GRIA4: variants seen among roughly 807,000 people sequenced by gnomAD.
GRIA4 encodes the protein glutamate ionotropic receptor AMPA type subunit 4.
In GRIA4, 34 loss-of-function variants were observed where a neutral mutation model predicts 104.0. The observed-to-expected ratio is 0.33, with a 90% CI of 0.25 to 0.44. GRIA4 has a LOEUF of 0.44. GRIA4 is among the 20% of genes least tolerant of loss of function. The pLI, the probability that GRIA4 is intolerant of heterozygous loss-of-function variation, is 1.00. For missense variants in GRIA4, 750 were observed against 1,096.5 expected (o/e 0.68, Z 4.46); for synonymous variants, 386 against 381.9 (o/e 1.01, Z -0.13).
At chr11:105,722,126 A>G (rs778139505) in intron 3 of GRIA4, among the ~76,000 whole-genome samples, 1 of 152,180 alleles carries the variant, frequency 6.6e-6, no homozygotes, top group African/African-American at 2.4e-5. Flanking sequence ...GTTAAAAATC[A>G]GATGGTGCTA....
chr11:105,699,505 T>C (rs1953407918), intron 3 of GRIA4, among the ~76,000 whole-genome samples: 1 of 152,192 alleles, frequency 6.6e-6, no homozygotes, highest in Non-Finnish European at 1.5e-5. Flanking sequence ...TTTCTTTCAG[T>C]CCGTTCTGCC....
At chr11:105,943,333 GT>G (rs1948228085) in intron 14 of GRIA4, among the ~76,000 whole-genome samples, 1 of 151,998 alleles carries the variant, frequency 6.6e-6, no homozygotes, top group Middle Eastern at 3.2e-3. Flanking sequence ...GTTTGGCACG[GT>G]ACAAATCTGA....
chr11:105,800,013 G>C (rs540938978), intron 4 of GRIA4, among the ~76,000 whole-genome samples: 2 of 152,222 alleles, frequency 1.3e-5, no homozygotes, highest in East Asian at 3.9e-4. Context: ...GAGGGTTTAT[G>C]CGTGCATGAT....
At chr11:105,862,852 G>C (rs558738019) in intron 5 of GRIA4, among the ~76,000 whole-genome samples, 2 of 152,150 alleles carry the variant, frequency 1.3e-5, no homozygotes, top group East Asian at 3.8e-4. Context: ...GAGCTTTGCC[G>C]TTGTATTAAA....
chr11:105,747,633 A>G (rs1939738750), intron 3 of GRIA4, among the ~76,000 whole-genome samples: 1 of 152,212 alleles, frequency 6.6e-6, no homozygotes, highest in African/African-American at 2.4e-5. Context: ...TAGAAAATTA[A>G]GAAAAGTTGA....
At chr11:105,860,633 T>C (rs2136015928) in intron 4 of GRIA4, among the ~76,000 whole-genome samples, 1 of 152,132 alleles carries the variant, frequency 6.6e-6, no homozygotes, top group South Asian at 2.1e-4. Flanking sequence ...TCAAAGAATC[T>C]TTTTTTTATT....
chr11:105,679,569 A>G (rs2135461131), intron 3 of GRIA4, among the ~76,000 whole-genome samples: 1 of 152,250 alleles, frequency 6.6e-6, no homozygotes, highest in Non-Finnish European at 1.5e-5. Context: ...GGTGATATTT[A>G]CTGTTCTTGA....
chr11:105,903,568 T>C (rs547384232), intron 7 of GRIA4, among the ~76,000 whole-genome samples: 36 of 152,328 alleles, frequency 2.4e-4, no homozygotes, highest in Admixed American at 6.5e-4. Context: ...AACTGTTTTA[T>C]TGGAATTTCT....
At position 105,729,757 on chromosome 11, in the gene GRIA4, C is replaced by A. The variant is rs569280791; in HGVS notation, c.248-23224C>A. On this transcript the variant is annotated intron_variant, in intron 3 of 16. Coordinates refer to ENST00000282499, the MANE Select transcript of GRIA4 (RefSeq NM_000829.4). The stretch of plus-strand genomic sequence containing the variant: ...ACATAAACAGAACCAATATCAAAAA[C>A]CACATGATTATCTCAATAGATGCAG... 5.9e-5 allele frequency among the ~76,000 whole-genome samples: 9 copies of A among 152,230 alleles called. No individual in the cohort carries two copies. In the South Asian group the frequency reaches 8.3e-4, roughly 14 times the overall value.
chr11:105,652,994 A>G (rs760514004), intron 3 of GRIA4, among the ~76,000 whole-genome samples: 2 of 152,026 alleles, frequency 1.3e-5, no homozygotes, highest in Non-Finnish European at 2.9e-5. Context: ...TGCAAGCTCC[A>G]TCCACCTCCT....
At chr11:105,716,154 T>C (rs1454990275) in intron 3 of GRIA4, among the ~76,000 whole-genome samples, 2 of 152,136 alleles carry the variant, frequency 1.3e-5, no homozygotes, top group Non-Finnish European at 2.9e-5. Flanking sequence ...TTTTTTCACA[T>C]ATGCAAGAAC....
intron 4 of GRIA4, among the ~76,000 whole-genome samples, chr11:105,780,452 C>T (rs1469445424): frequency 1.3e-5 from 2 of 152,118 alleles, no homozygotes; most frequent in Non-Finnish European, 2.9e-5. Flanking sequence ...TGGTTCTCTA[C>T]AACACTGCAA....
intron 4 of GRIA4, among the ~76,000 whole-genome samples, chr11:105,797,158 G>A (rs1040617395): frequency 1.3e-5 from 2 of 151,976 alleles, no homozygotes; most frequent in South Asian, 2.1e-4. Flanking sequence ...GCAGTGAGCC[G>A]AGATCACGCC....
chr11:105,847,302 A>T (rs147959515), intron 4 of GRIA4, among the ~76,000 whole-genome samples: 1 of 152,320 alleles, frequency 6.6e-6, no homozygotes, highest in Non-Finnish European at 1.5e-5. Flanking sequence ...GGTGGAGCTC[A>T]GGCAGTAATG....
intron 3 of GRIA4, among the ~76,000 whole-genome samples, chr11:105,626,255 G>A (rs1950883450): frequency 2.6e-5 from 4 of 151,814 alleles, no homozygotes. Flanking sequence ...GGATAAAGGA[G>A]AGCACACATA....
At position 105,943,237 on chromosome 11, in the gene GRIA4, C is replaced by T. The variant is rs57649454; in HGVS notation, c.2294+9268C>T. 6.5e-3 allele frequency among the ~76,000 whole-genome samples: 994 copies of T among 152,218 alleles called. 15 individuals are homozygous for T. Among genetic ancestry groups the T allele is most frequent in the African/African-American group, 0.023 (946 of 41,568 alleles). ...AAAACTATTTAAGGAAAGCACTCCT[C>T]TGTAAGAAACAACATAGCAAGAAAT... On this transcript the variant is annotated intron_variant, in intron 14 of 16. Transcript: ENST00000282499.
intron 4 of GRIA4, among the ~76,000 whole-genome samples, chr11:105,845,432 G>C (rs1442399199): frequency 6.6e-6 from 1 of 152,116 alleles, no homozygotes; most frequent in Non-Finnish European, 1.5e-5. Context: ...CAAGGAGAGG[G>C]AACCTTGACC....
chr11:105,739,855 T>C (rs1939198594), intron 3 of GRIA4, among the ~76,000 whole-genome samples: 1 of 152,138 alleles, frequency 6.6e-6, no homozygotes, highest in East Asian at 1.9e-4. Context: ...AAAAGAAAGA[T>C]AAATAGCAGC....
Position 105,956,222 on chromosome 11 carries a change from T to C in GRIA4, c.2295-15692T>C, listed in dbSNP as rs189856364. On this transcript the variant is annotated intron_variant, in intron 14 of 16. Coordinates refer to ENST00000282499, the MANE Select transcript of GRIA4 (RefSeq NM_000829.4). The stretch of plus-strand genomic sequence containing the variant: ...GTGTTGCACCCATCAACTCGTCATT[T>C]ACATTAGTTATATCTCCTAATGCTA... 4.1e-3 allele frequency among the ~76,000 whole-genome samples: 627 copies of C among 152,230 alleles called. 12 individuals are homozygous for C. Among genetic ancestry groups the C allele is most frequent in the Non-Finnish European group, 2.5e-3 (167 of 68,016 alleles).
Sources: gnomAD v4.1 joint callset for allele counts (sites outside exome capture counted in the v4.1 genomes callset) on GRCh38, gnomAD v4.1.1 for gene constraint, MANE v1.5 for transcripts, NCBI Gene and HGNC (gene_info 2026-07-23, HGNC 2026-07-21) for gene names.